Variants in KAT6B observed in about 807,000 individuals in gnomAD.
KAT6B encodes the protein lysine acetyltransferase 6B, also known as histone acetyltransferase KAT6B.
In KAT6B, 10 loss-of-function variants were observed where a neutral mutation model predicts 187.5. The ratio of observed to expected loss-of-function variants is 0.05; its 90% CI spans 0.03 to 0.09. The LOEUF is 0.09. Ranked by LOEUF, KAT6B falls within the 10% of genes least tolerant of loss-of-function variation. The pLI is 1.00. For synonymous variants in KAT6B, 861 were observed against 926.8 expected, an observed-to-expected ratio of 0.93 and a Z score of 1.29; for missense variants, 1,952 against 2,558.9, an observed-to-expected ratio of 0.76 and a Z score of 5.12.
chr10:74,960,614 G>T (rs1315160757), intron 4 of KAT6B, among the ~76,000 whole-genome samples: 1 of 151,718 alleles, frequency 6.6e-6, no homozygotes, highest in South Asian at 2.1e-4. Context: ...TGTTTGGGAA[G>T]TCTTGAGATA....
chr10:74,849,796 A>G (rs993647703), intron 3 of KAT6B, among the ~76,000 whole-genome samples: 1 of 152,194 alleles, frequency 6.6e-6, no homozygotes, highest in Non-Finnish European at 1.5e-5. Context: ...CCCTTATTTT[A>G]CAGATGAAAA....
Position 75,030,352 on chromosome 10 carries a change from A to G in KAT6B, c.5528A>G (p.Tyr1843Cys), listed in dbSNP as rs747283591. The G allele has an allele frequency of 1.7e-5, 28 of 1,614,206 alleles. No homozygotes were observed. Among genetic ancestry groups the G allele is most frequent in the East Asian group, 6.7e-5 (3 of 44,892 alleles). Residue 1843 changes from tyrosine to cysteine, a missense_variant, in exon 18 of 18, where the codon TAT becomes TGT. Transcript: ENST00000287239. This position sits in a 1 kb window ranked among gnomAD's most constrained non-coding sequence, Gnocchi z 4.8. ...AGCCATTCCGCTGCTGTGACTTCCT[A>G]TGCAAACAGTGCCTCTTTGTCCACA... The part of the protein sequence containing the change: ...PYSHSAAVTS[Y>C]ANSASLSTPL...
rs185108421 is a variant in KAT6B at position 75,020,506 on chromosome 10, A to G, written c.2630-76A>G. ...ATGTTTTTACCTTGTCACTACTCATATTATTTCTAGTGGCTCCTGTTCTAA... is the reference window on the plus strand; with the variant it reads ...ATGTTTTTACCTTGTCACTACTCATGTTATTTCTAGTGGCTCCTGTTCTAA... On this transcript the variant is annotated intron_variant, in intron 13 of 17. Transcript: ENST00000287239. The G allele has an allele frequency of 9.8e-6, 10 of 1,017,074 alleles. No homozygotes were observed. The Admixed American group carries it at 1.7e-4, about 18-fold the overall frequency. 63.0% of individuals were successfully genotyped at this position (1,017,074 alleles called of 1,614,324 possible).
intron 3 of KAT6B, among the ~76,000 whole-genome samples, chr10:74,894,606 C>G (rs368423716): frequency 1.3e-5 from 2 of 152,236 alleles, no homozygotes; most frequent in East Asian, 3.9e-4. Flanking sequence ...AACCACCATT[C>G]TACTTTTTGT....
intron 3 of KAT6B, among the ~76,000 whole-genome samples, chr10:74,894,816 G>A (rs1357054537): frequency 6.6e-6 from 1 of 152,084 alleles, no homozygotes; most frequent in East Asian, 1.9e-4. Flanking sequence ...CTAGTTGTCT[G>A]TTGGTGAACA....
At chr10:74,858,436 G>A (rs1310818814) in intron 3 of KAT6B, among the ~76,000 whole-genome samples, 2 of 151,894 alleles carry the variant, frequency 1.3e-5, no homozygotes, top group Non-Finnish European at 1.5e-5. Context: ...GTGCCACCAT[G>A]CCCAGCTAAT....
At chr10:74,963,355 TCTTA>T (rs1012718858) in intron 4 of KAT6B, among the ~76,000 whole-genome samples, 6 of 152,256 alleles carry the variant, frequency 3.9e-5, no homozygotes, top group Admixed American at 1.3e-4. Context: ...GGTGGTTAAA[TCTTA>T]CTTACAGATG....
intron 7 of KAT6B, among the ~76,000 whole-genome samples, chr10:74,973,919 G>T (rs559326175): frequency 6.6e-6 from 1 of 152,236 alleles, no homozygotes; most frequent in Non-Finnish European, 1.5e-5. Flanking sequence ...CTAAACAGAG[G>T]ACACAGCTGA....
chr10:75,003,291 T>A (rs1413370221), intron 13 of KAT6B: 2 of 152,264 alleles, frequency 1.3e-5, no homozygotes, highest in Admixed American at 1.3e-4. Flanking sequence ...CATTTCTTGA[T>A]TGCATTTATT....
chr10:74,856,814 T>C (rs1842855872), intron 3 of KAT6B, among the ~76,000 whole-genome samples: 1 of 152,060 alleles, frequency 6.6e-6, no homozygotes, highest in Non-Finnish European at 1.5e-5. Context: ...GGTAGAAGGA[T>C]TGCTTGAATC....
chr10:75,032,149 G>GGCGT lies in KAT6B; in HGVS notation c.*1104_*1107dup, dbSNP rs1206335721. On this transcript the variant is annotated 3_prime_UTR_variant, in exon 18 of 18. Coordinates refer to ENST00000287239, the MANE Select transcript of KAT6B (RefSeq NM_012330.4). ...GTGACAGTAAGGGCCAAGCAGGAGAGGCGTAATCCTTGTATAAAATAGGAT... is the reference window on the plus strand; with the variant it reads ...GTGACAGTAAGGGCCAAGCAGGAGAGGCGTGCGTAATCCTTGTATAAAATAGGAT... 1 of 196,218 alleles carries GGCGT rather than the reference G, an allele frequency of 5.1e-6. No homozygotes were observed. Among genetic ancestry groups the GGCGT allele is most frequent in the Non-Finnish European group, 1.1e-5 (1 of 94,404 alleles). 12.2% of individuals were successfully genotyped at this position (196,218 alleles called of 1,614,324 possible).
At chr10:74,841,484 G>A (rs1180251578) in intron 2 of KAT6B, among the ~76,000 whole-genome samples, 1 of 151,870 alleles carries the variant, frequency 6.6e-6, no homozygotes, top group African/African-American at 2.4e-5. Context: ...AGAATCGCTT[G>A]AACCCAGAAG....
intron 3 of KAT6B, among the ~76,000 whole-genome samples, chr10:74,898,220 C>G (rs540581868): frequency 6.6e-6 from 1 of 152,248 alleles, no homozygotes; most frequent in South Asian, 2.1e-4. Context: ...CTTCCTTGTT[C>G]TGCAGTTACT....
At chr10:75,023,043 T>C (rs1443519246) in intron 16 of KAT6B, among the ~76,000 whole-genome samples, 1 of 152,212 alleles carries the variant, frequency 6.6e-6, no homozygotes, top group African/African-American at 2.4e-5. Flanking sequence ...ATATTTTGCA[T>C]TTGTGGCCAA....
chr10:74,975,877 A>C lies in KAT6B; in HGVS notation c.1540A>C (p.Thr514Pro), dbSNP rs534868169. ...CAGTTCACAAAAGTCCAGCACGGCC[A>C]CTTCTTCTCCCTCTCCCCAGAGTTC... is the stretch of plus-strand genomic sequence containing the variant. ...SPSSQKSSTA[T>P]SSPSPQSSSS... Residue 514 changes from threonine (T) to proline (P), a missense_variant, in exon 8 of 18, where the codon ACT (threonine) becomes CCT (proline). Around this residue, in one of 9 missense-constraint regions of KAT6B, gnomAD observed 417 missense variants for 508.9 expected, o/e 0.82. Transcript: ENST00000287239. 3.7e-6 allele frequency: 6 copies of C among 1,613,912 alleles called. No homozygotes were observed. The highest frequency in any genetic ancestry group is 5.1e-6 in the Non-Finnish European group (6 of 1,180,026).
At chr10:74,896,285 T>A (rs558651623) in intron 3 of KAT6B, among the ~76,000 whole-genome samples, 15 of 152,240 alleles carry the variant, frequency 9.9e-5, no homozygotes, top group East Asian at 5.8e-4. Context: ...TACTTTAGTT[T>A]TTTATTTATT....
intron 3 of KAT6B, among the ~76,000 whole-genome samples, chr10:74,937,962 A>G (rs1482256272): frequency 6.6e-6 from 1 of 152,160 alleles, no homozygotes; most frequent in Non-Finnish European, 1.5e-5. Context: ...AAATGGTAAA[A>G]CATACCCCAA....
At chr10:74,980,237 G>A (rs1394079852) in intron 10 of KAT6B, among the ~76,000 whole-genome samples, 4 of 152,282 alleles carry the variant, frequency 2.6e-5, no homozygotes, top group South Asian at 4.1e-4. Context: ...GCCTGTGAAC[G>A]AATATATCCC....
intron 3 of KAT6B, among the ~76,000 whole-genome samples, chr10:74,907,416 C>G (rs895483045): frequency 2.6e-5 from 4 of 152,222 alleles, no homozygotes; most frequent in Non-Finnish European, 5.9e-5. Flanking sequence ...ATATTGAGCC[C>G]AAAACCTCCA....
Sources: gnomAD v4.1 joint callset for allele counts (sites outside exome capture counted in the v4.1 genomes callset) on GRCh38, gnomAD v4.1.1 for gene constraint, gnomAD v4.1.1 regional missense constraint, Gnocchi (gnomAD v3.1) non-coding constraint, MANE v1.5 for transcripts, NCBI Gene and HGNC (gene_info 2026-07-23, HGNC 2026-07-21) for gene names.